The following PPL variants were observed in gnomAD, a reference collection of about 807,000 sequenced individuals.
PPL encodes 190 kDa paraneoplastic pemphigus antigen.
Under a neutral mutation model 194.4 loss-of-function variants are expected in PPL, and 198 were observed. The ratio of observed to expected loss-of-function variants is 1.02; its 90% CI spans 0.91 to 1.15. PPL has a LOEUF of 1.15. Ranked by LOEUF, PPL falls within the 50% of genes most tolerant of loss-of-function variation. The pLI, the probability that PPL is intolerant of heterozygous loss-of-function variation, is 0.00. For missense variants in PPL, 2,885 were observed against 2,294.8 expected (o/e 1.26, Z -5.25); for synonymous variants, 1,220 against 972.4 (o/e 1.25, Z -4.74).
Position 4,894,548 on chromosome 16 carries a change from C to A in PPL, c.1313G>T (p.Ser438Ile). ...CGGAGCAATCAGCTTGTTCCCAGCG[C>A]TGTCCATGAGCTCCCAGCTCTCCCC... ...NNGESWELMD[S>I]AGNKLIAPAV... The change falls in exon 12 of 22, where the codon AGC becomes ATC. Residue 438 changes from serine (S) to isoleucine (I), a missense_variant. By Grantham distance (142) the Ser-to-Ile change is moderately radical. Transcript: ENST00000345988. The A allele has an allele frequency of 1.2e-6, 2 of 1,613,902 alleles. No individual in the cohort carries two copies. The highest frequency in any genetic ancestry group is 1.7e-6 in the Non-Finnish European group (2 of 1,179,910).
intron 1 of PPL, among the ~76,000 whole-genome samples, chr16:4,914,031 A>T (rs1300341549): frequency 6.6e-6 from 1 of 152,220 alleles, no homozygotes; most frequent in Admixed American, 6.5e-5. Flanking sequence ...GGGTGGGGAC[A>T]GCGGTGGTCA....
chr16:4,933,353 T>C (rs1177051699), intron 1 of PPL, among the ~76,000 whole-genome samples: 2 of 152,116 alleles, frequency 1.3e-5, no homozygotes, highest in African/African-American at 4.8e-5. Flanking sequence ...TGCTGGGTGT[T>C]TACTGGGACC....
rs201845655 is a variant in PPL at position 4,895,741 on chromosome 16, C to T, written c.973-25G>A. On this transcript the variant is annotated intron_variant, in intron 9 of 21. Coordinates refer to ENST00000345988, the MANE Select transcript of PPL (RefSeq NM_002705.5). ...ACTAGGGGAGAAGGTGGCTCTGTTA[C>T]AGCCAGGAAACCACTAGAAGCACCT... 5.6e-6 allele frequency: 9 copies of T among 1,613,502 alleles called. No individual in the cohort carries two copies. The East Asian group carries it at 1.8e-4, about 32-fold the overall frequency.
chr16:4,893,502 G>C (rs557676489), intron 13 of PPL, 39 bp downstream of exon 13: 4 of 1,605,870 alleles, frequency 2.5e-6, no homozygotes, highest in Non-Finnish European at 3.4e-6. Context: ...CTCCTCCCCG[G>C]TACCCCCAGA....
chr16:4,923,836 TG>T (rs1366390368), intron 1 of PPL, among the ~76,000 whole-genome samples: 2 of 152,022 alleles, frequency 1.3e-5, no homozygotes, highest in African/African-American at 2.4e-5. Flanking sequence ...TTAGGATAAC[TG>T]GGTTTCATCC....
Position 4,895,365 on chromosome 16 carries a change from C to G in PPL, c.1138G>C (p.Gly380Arg), listed in dbSNP as rs371195256. 1 of 1,613,394 alleles carries G rather than the reference C, an allele frequency of 6.2e-7. No homozygotes were observed. The highest frequency in any genetic ancestry group is 1.3e-5 in the African/African-American group (1 of 75,048). Reference sequence around the variant, plus strand: ...ACCTGCTGGCCTCGCTTCTGCAGCCCCTGCACCACGTCCTCATACTTGTCC... The same window carrying G: ...ACCTGCTGGCCTCGCTTCTGCAGCCGCTGCACCACGTCCTCATACTTGTCC... ...VLDKYEDVVQ[G>R]LQKRGQQVVP... Residue 380 changes from glycine to arginine, a missense_variant, in exon 11 of 22, where the codon GGG (glycine) becomes CGG (arginine). Gly to Arg is a moderately radical substitution (Grantham distance 125). Transcript: ENST00000345988.
intron 1 of PPL, among the ~76,000 whole-genome samples, chr16:4,934,147 T>C (rs971263074): frequency 6.6e-6 from 1 of 152,152 alleles, no homozygotes; most frequent in African/African-American, 2.4e-5. Context: ...ACCTGCACCA[T>C]CTGGCCTGAC....
At chr16:4,886,811 G>A (rs1255319351) in intron 21 of PPL, among the ~76,000 whole-genome samples, 3 of 152,196 alleles carry the variant, frequency 2.0e-5, no homozygotes, top group Non-Finnish European at 4.4e-5. Flanking sequence ...TAGAGACGGA[G>A]TTTTACCATG....
chr16:4,887,299 G>T, intron 20 of PPL, 72 bp from the exon 21 acceptor site: 1 of 1,125,248 alleles, frequency 8.9e-7, no homozygotes, highest in Non-Finnish European at 1.3e-6. Flanking sequence ...GAGCTAGACA[G>T]CGTGGACGTG....
In PPL at chr16:4,883,867, C is replaced by T. The variant is rs2088153092; in HGVS notation, c.4788G>A (p.Leu1596=). Residue 1596 remains leucine, a synonymous_variant, in exon 22 of 22, where the codon CTG becomes CTA. Transcript: ENST00000345988. This position sits in a 1 kb window ranked among gnomAD's most constrained non-coding sequence, Gnocchi z 4.8. ...CAGAGTCCGCCACGGTCATGTTCCGCAGGTCTCGTGTTTCCGTCGCTGCCA... is the reference window on the plus strand; with the variant it reads ...CAGAGTCCGCCACGGTCATGTTCCGTAGGTCTCGTGTTTCCGTCGCTGCCA... The part of the protein sequence containing the change: ...INMAATETRD[L]RNMTVADSGT... 1 of 1,614,090 alleles carries T rather than the reference C, an allele frequency of 6.2e-7. No homozygotes were observed. Among genetic ancestry groups the T allele is most frequent in the Non-Finnish European group, 8.5e-7 (1 of 1,180,042 alleles).
Position 4,883,209 on chromosome 16 carries a change from G to C in PPL, c.*175C>G, listed in dbSNP as rs1001037208. The C allele has an allele frequency of 1.0e-5, 8 of 791,238 alleles. No homozygotes were observed. Among genetic ancestry groups the C allele is most frequent in the African/African-American group, 1.7e-5 (1 of 57,770 alleles). The allele number at this position is 791,238 out of a possible 1,614,324, so 49.0% of individuals were successfully genotyped here. A position where few individuals can be genotyped will look rare whatever the true frequency, so the allele number is the denominator to read the frequency against. ...ATGATGGTTGGGACGAGAGTTGCCT[G>C]TCTTCAGCCAGTGCCTGTCTCATAT... On this transcript the variant is annotated 3_prime_UTR_variant, in exon 22 of 22. Coordinates refer to ENST00000345988, the MANE Select transcript of PPL (RefSeq NM_002705.5). This position sits in a 1 kb window ranked among gnomAD's most constrained non-coding sequence, Gnocchi z 4.8.
At chr16:4,906,231 T>C (rs978727153) in intron 2 of PPL, among the ~76,000 whole-genome samples, 7 of 152,122 alleles carry the variant, frequency 4.6e-5, no homozygotes, top group African/African-American at 1.7e-4. Flanking sequence ...TTTTTTTTGT[T>C]TTTTTATTTT....
chr16:4,883,524 G>T lies in PPL; in HGVS notation c.5131C>A (p.His1711Asn). ...AACTTCTTGCCAGACTTCCTGTCGT[G>T]TATCACTGAGGACTCCCCATTGGGA... is the stretch of plus-strand genomic sequence containing the variant. ...KGPNGESSVIHDRKSGKKFSI... is the reference protein window; with the variant it reads ...KGPNGESSVINDRKSGKKFSI... Residue 1711 changes from histidine to asparagine, a missense_variant, in exon 22 of 22, where the codon CAC (histidine) becomes AAC (asparagine). By Grantham distance (68) the His-to-Asn change is moderately conservative (BLOSUM62 1). Transcript: ENST00000345988. The surrounding 1 kb of genome is among the most constrained non-coding windows in gnomAD (Gnocchi z 4.8). 1 of 1,614,188 alleles carries T rather than the reference G, an allele frequency of 6.2e-7. No homozygotes were observed. The highest frequency in any genetic ancestry group is 8.5e-7 in the Non-Finnish European group (1 of 1,180,028).
chr16:4,911,681 C>T (rs1395894991), intron 1 of PPL, among the ~76,000 whole-genome samples: 1 of 152,002 alleles, frequency 6.6e-6, no homozygotes, highest in African/African-American at 2.4e-5. Flanking sequence ...ACTACAGGCA[C>T]ATGCCACCAC....
Position 4,888,215 on chromosome 16 carries a change from A to G in PPL, c.2401T>C (p.Tyr801His), listed in dbSNP as rs1432754129. 8 of 1,591,786 alleles carry G rather than the reference A, an allele frequency of 5.0e-6. No individual in the cohort carries two copies. Among genetic ancestry groups the G allele is most frequent in the Non-Finnish European group, 6.9e-6 (8 of 1,159,868 alleles). ...SQQYQQAVKD[Y>H]ELEAEKLRSL... ...CTTAGTTTTTCTGCTTCTAACTCATAGTCCTGCATGAGGGAGAGACATGGC... is the reference window on the plus strand; with the variant it reads ...CTTAGTTTTTCTGCTTCTAACTCATGGTCCTGCATGAGGGAGAGACATGGC... The change falls in exon 20 of 22, where the codon TAT (tyrosine) becomes CAT (histidine). Residue 801 changes from tyrosine to histidine, a missense_variant. By Grantham distance (83) the Tyr-to-His change is moderately conservative. Transcript: ENST00000345988.
chr16:4,891,740 G>T, intron 16 of PPL, 71 bp downstream of exon 16: 1 of 1,520,996 alleles, frequency 6.6e-7, no homozygotes, highest in Non-Finnish European at 8.8e-7. Context: ...CTATCCAGAC[G>T]GGCGGGTGGA....
At position 4,884,691 on chromosome 16, in the gene PPL, G is replaced by T; in HGVS notation, c.3964C>A (p.Gln1322Lys). 2 of 1,614,102 alleles carry T rather than the reference G, an allele frequency of 1.2e-6. No individual in the cohort carries two copies. Among genetic ancestry groups the T allele is most frequent in the African/African-American group, 2.7e-5 (2 of 75,032 alleles). ...GCTCTTTCCCTCTCCAGATCCACTT[G>T]TTTCTTCTGCTCCTCTGAGAGCTTT... ...RAKLSEEQKK[Q>K]VDLERERASQ... Residue 1322 changes from glutamine to lysine, a missense_variant, in exon 22 of 22, where the codon CAA becomes AAA. Transcript: ENST00000345988. The surrounding 1 kb of genome is among the most constrained non-coding windows in gnomAD (Gnocchi z 5.7).
At position 4,893,528 on chromosome 16, in the gene PPL, C is replaced by T; in HGVS notation, c.1492+13G>A. The T allele has an allele frequency of 1.2e-6, 2 of 1,611,674 alleles. No homozygotes were observed. Among genetic ancestry groups the T allele is most frequent in the Non-Finnish European group, 1.7e-6 (2 of 1,179,406 alleles). On this transcript the variant is annotated intron_variant, in intron 13 of 21. Coordinates refer to ENST00000345988, the MANE Select transcript of PPL (RefSeq NM_002705.5). Reference sequence around the variant, plus strand: ...TACCCCCAGAGCCTCAGGCGAGTGGCCCTGGCACCCACCTCCGGGATTCTC... The same window carrying T: ...TACCCCCAGAGCCTCAGGCGAGTGGTCCTGGCACCCACCTCCGGGATTCTC...
rs2088152009 is a variant in PPL at position 4,883,846 on chromosome 16, G to A, written c.4809C>T (p.Asp1603=). ...TRDLRNMTVA[D]SGTNHDSRLW... is the part of the protein sequence containing the mutation. ...GTCTGGAGTCATGGTTGGTCCCAGA[G>A]TCCGCCACGGTCATGTTCCGCAGGT... Residue 1603 remains aspartate, a synonymous_variant, in exon 22 of 22, where the codon GAC becomes GAT. Coordinates refer to ENST00000345988, the MANE Select transcript of PPL (RefSeq NM_002705.5). This position sits in a 1 kb window ranked among gnomAD's most constrained non-coding sequence, Gnocchi z 4.8. The A allele has an allele frequency of 6.2e-7, 1 of 1,614,076 alleles. No homozygotes were observed. The highest frequency in any genetic ancestry group is 1.3e-5 in the African/African-American group (1 of 75,054).
Sources: gnomAD v4.1 joint callset for allele counts (sites outside exome capture counted in the v4.1 genomes callset) on GRCh38, gnomAD v4.1.1 for gene constraint, Gnocchi (gnomAD v3.1) non-coding constraint, MANE v1.5 for transcripts, NCBI Gene and HGNC (gene_info 2026-07-23, HGNC 2026-07-21) for gene names.